AGBL4: variants seen among roughly 807,000 people sequenced by gnomAD.
The protein encoded by AGBL4 is AGBL carboxypeptidase 4.
A neutral mutation model predicts 66.4 loss-of-function variants in AGBL4; 58 were observed. The observed-to-expected ratio is 0.87, with a 90% CI of 0.71 to 1.09. AGBL4 has a LOEUF of 1.09. Ranked by LOEUF, AGBL4 falls within the 50% of genes least tolerant of loss-of-function variation. The pLI is 0.00. For synonymous variants in AGBL4, 234 were observed against 222.9 expected (o/e 1.05, Z -0.44); for missense variants, 579 against 631.0 (o/e 0.92, Z 0.88).
intron 3 of AGBL4, among the ~76,000 whole-genome samples, chr1:49,585,620 A>G (rs1401384994): frequency 6.6e-6 from 1 of 152,084 alleles, no homozygotes; most frequent in African/African-American, 2.4e-5. Context: ...CATCTTAATT[A>G]TTGACTTTGT....
chr1:48,663,674 C>T (rs1276785454), intron 6 of AGBL4, among the ~76,000 whole-genome samples: 3 of 152,132 alleles, frequency 2.0e-5, no homozygotes, highest in Non-Finnish European at 4.4e-5. Context: ...CAGGCTTACA[C>T]ATTGCATAGT....
intron 5 of AGBL4, among the ~76,000 whole-genome samples, chr1:49,005,399 TCTTCATCCCA>T (rs1383070809): frequency 1.3e-5 from 2 of 152,180 alleles, no homozygotes; most frequent in Non-Finnish European, 2.9e-5. Context: ...ACACCATCCC[TCTTCATCCCA>T]CTTCATCCCA....
At chr1:49,565,208 T>C (rs1571053973) in intron 3 of AGBL4, among the ~76,000 whole-genome samples, 1 of 152,188 alleles carries the variant, frequency 6.6e-6, no homozygotes, top group Non-Finnish European at 1.5e-5. Context: ...TCTCTGCACA[T>C]GAGATGGGTT....
chr1:48,964,172 T>C (rs1658230730), intron 5 of AGBL4, among the ~76,000 whole-genome samples: 1 of 152,210 alleles, frequency 6.6e-6, no homozygotes, highest in African/African-American at 2.4e-5. Context: ...AAAGACTTCA[T>C]ACCTGGGACC....
At chr1:48,694,961 T>C (rs559928034) in intron 6 of AGBL4, among the ~76,000 whole-genome samples, 2 of 152,322 alleles carry the variant, frequency 1.3e-5, no homozygotes, top group Admixed American at 1.3e-4. Context: ...TTTAAATAAA[T>C]CTCACTTGGT....
intron 3 of AGBL4, among the ~76,000 whole-genome samples, chr1:49,321,124 G>A (rs1645125856): frequency 6.6e-6 from 1 of 152,086 alleles, no homozygotes; most frequent in Non-Finnish European, 1.5e-5. Context: ...ACTCACTAGT[G>A]CAGTCTCTGA....
chr1:48,723,873 A>G (rs1557905277), intron 6 of AGBL4, among the ~76,000 whole-genome samples: 1 of 152,252 alleles, frequency 6.6e-6, no homozygotes, highest in Non-Finnish European at 1.5e-5. Flanking sequence ...TTTAATTTAT[A>G]AAGAGTCTAA....
intron 5 of AGBL4, among the ~76,000 whole-genome samples, chr1:48,913,493 C>G (rs1653323490): frequency 6.6e-6 from 1 of 152,144 alleles, no homozygotes; most frequent in East Asian, 1.9e-4. Context: ...CACCTCCTGT[C>G]AGATCAACAG....
chr1:49,565,560 T>A (rs986531365), intron 3 of AGBL4, among the ~76,000 whole-genome samples: 1 of 152,196 alleles, frequency 6.6e-6, no homozygotes, highest in African/African-American at 2.4e-5. Context: ...CCTTCATGTA[T>A]GAAGCTTAGT....
chr1:49,258,645 A>G (rs1237699825), intron 3 of AGBL4, among the ~76,000 whole-genome samples: 1 of 152,236 alleles, frequency 6.6e-6, no homozygotes, highest in Non-Finnish European at 1.5e-5. Context: ...TCCAAGAAAT[A>G]TGGGACTATG....
chr1:49,854,668 A>G (rs1331128203), intron 1 of AGBL4, among the ~76,000 whole-genome samples: 1 of 151,878 alleles, frequency 6.6e-6, no homozygotes, highest in Non-Finnish European at 1.5e-5. Context: ...CCCACATCCA[A>G]CCAGAGGGCT....
chr1:48,527,197 G>A, the AGBL4 span, among the ~76,000 whole-genome samples: 5 of 152,078 alleles, frequency 3.3e-5, no homozygotes, highest in African/African-American at 1.2e-4. Flanking sequence ...TGACCTGTCT[G>A]GAACCATTAG....
At chr1:49,513,425 C>A (rs1046282653) in intron 3 of AGBL4, among the ~76,000 whole-genome samples, 28 of 152,046 alleles carry the variant, frequency 1.8e-4, no homozygotes, top group African/African-American at 6.3e-4. Context: ...ACTCCCTCCA[C>A]CCTCTAGGAT....
intron 3 of AGBL4, among the ~76,000 whole-genome samples, chr1:49,615,900 T>C (rs1328653369): frequency 6.6e-6 from 1 of 152,142 alleles, no homozygotes; most frequent in Non-Finnish European, 1.5e-5. Flanking sequence ...CTCCCTTAGC[T>C]AGAAAAGAAA....
chr1:48,756,545 A>G (rs1253679653), intron 6 of AGBL4, among the ~76,000 whole-genome samples: 1 of 152,202 alleles, frequency 6.6e-6, no homozygotes, highest in African/African-American at 2.4e-5. Context: ...AGGTCATAGG[A>G]AAGGAAGGAA....
At chr1:49,216,118 A>T (rs948090288) in intron 4 of AGBL4, among the ~76,000 whole-genome samples, 2 of 152,146 alleles carry the variant, frequency 1.3e-5, no homozygotes, top group African/African-American at 4.8e-5. Context: ...GGAGACACTC[A>T]TACTAACAGT....
intron 3 of AGBL4, among the ~76,000 whole-genome samples, chr1:49,518,910 T>A (rs1212054269): frequency 1.3e-5 from 2 of 152,128 alleles, no homozygotes; most frequent in Admixed American, 6.5e-5. Context: ...AGTATTCACA[T>A]TGATTTGTGA....
chr1:49,154,342 T>C (rs2148126072), intron 4 of AGBL4, among the ~76,000 whole-genome samples: 1 of 151,584 alleles, frequency 6.6e-6, no homozygotes, highest in South Asian at 2.1e-4. Flanking sequence ...GTTATGTATA[T>C]AAGCATTCAG....
intron 3 of AGBL4, among the ~76,000 whole-genome samples, chr1:49,423,304 A>T (rs549524956): frequency 7.9e-5 from 12 of 152,320 alleles, no homozygotes; most frequent in African/African-American, 2.9e-4. Context: ...CTGTTTCTAC[A>T]ATATTTAGCA....
Sources: allele counts gnomAD v4.1 joint callset (sites outside exome capture counted in the v4.1 genomes callset), GRCh38; gene constraint gnomAD v4.1.1; transcripts MANE v1.5; gene names NCBI Gene and HGNC (gene_info 2026-07-23, HGNC 2026-07-21).